MAP2K3: variants seen among roughly 807,000 people sequenced by gnomAD.
The protein encoded by MAP2K3 is dual specificity mitogen-activated protein kinase kinase 3.
MAP2K3 carries 30 observed loss-of-function variants against 46.4 expected under a neutral mutation model. The observed-to-expected ratio is 0.65, with a 90% CI of 0.48 to 0.88. The LOEUF (loss-of-function observed/expected upper bound fraction) is 0.88, where lower values mean the gene tolerates loss of function less well. Among genes scored for constraint, MAP2K3 ranks in the 40% least tolerant of loss-of-function variants. The pLI, the probability that MAP2K3 is intolerant of heterozygous loss-of-function variation, is 0.00. For missense variants in MAP2K3, 380 were observed against 464.5 expected (o/e 0.82, Z 1.67); for synonymous variants, 189 against 176.3 (o/e 1.07, Z -0.57).
chr17:21,304,379 C>T (rs763089122), intron 7 of MAP2K3, 47 bp from the exon 8 acceptor site: 4 of 1,613,980 alleles, frequency 2.5e-6, no homozygotes, highest in African/African-American at 2.7e-5. Context: ...GCACCTGCCT[C>T]CAGTCGTGCT....
chr17:21,295,333 T>A (rs1373107238), intron 1 of MAP2K3, among the ~76,000 whole-genome samples: 1 of 152,424 alleles, frequency 6.6e-6, no homozygotes, highest in South Asian at 2.1e-4. Flanking sequence ...TGAATTCTGG[T>A]CAGTTTCAGT....
At chr17:21,295,795 G>T (rs1976211420) in intron 1 of MAP2K3, 2 of 754,124 alleles carry the variant, frequency 2.7e-6, no homozygotes, top group Non-Finnish European at 3.3e-6. Flanking sequence ...CTTGGTGAAG[G>T]GGGGGCCACA....
At chr17:21,290,741 G>A (rs1975873543) in intron 1 of MAP2K3, among the ~76,000 whole-genome samples, 2 of 152,308 alleles carry the variant, frequency 1.3e-5, no homozygotes, top group African/African-American at 2.4e-5. Context: ...TTTGAGGGCA[G>A]GAGTTCACAA....
rs879110946 is a variant in MAP2K3, at chr17:21,299,008, G to C, written c.165+82G>C. 1.2e-4 allele frequency: 190 copies of C among 1,592,514 alleles called. No homozygotes were observed. The South Asian group carries it at 1.9e-3, about 16-fold the overall frequency. The stretch of plus-strand genomic sequence containing the variant: ...AGCTGACCCTGCAGGGCCACTTTGG[G>C]GGGAGGTGACTGAGGGGTCAGAGAG... On this transcript the variant is annotated intron_variant, in intron 3 of 11. Transcript: ENST00000342679.
intron 5 of MAP2K3, among the ~76,000 whole-genome samples, chr17:21,301,679 T>C (rs1976609406): frequency 1.3e-5 from 2 of 152,310 alleles, no homozygotes; most frequent in Admixed American, 6.5e-5. Context: ...GGGTGCCCCC[T>C]GCGCATCTCC....
At chr17:21,293,601 A>T (rs1440995658) in intron 1 of MAP2K3, among the ~76,000 whole-genome samples, 1 of 152,306 alleles carries the variant, frequency 6.6e-6, no homozygotes, top group Non-Finnish European at 1.5e-5. Context: ...CAGGTGAGGA[A>T]GTCCCTGTAG....
chr17:21,298,839 G>C, intron 2 of MAP2K3, 39 bp from the exon 3 acceptor site: 2 of 1,614,204 alleles, frequency 1.2e-6, no homozygotes, highest in African/African-American at 2.7e-5. Flanking sequence ...GGAAGGGTGT[G>C]GTTCTCTCTG....
chr17:21,312,378 A>C (rs1355273758), intron 10 of MAP2K3, 97 bp downstream of exon 10: 3 of 1,308,766 alleles, frequency 2.3e-6, no homozygotes, highest in Non-Finnish European at 3.0e-6. Flanking sequence ...TTGGCAAATA[A>C]ACCCCCAGAT....
Position 21,284,858 on chromosome 17 carries a change from G to C in MAP2K3, c.-63G>C, listed in dbSNP as rs1975680627. 1 of 1,564,746 alleles carries C rather than the reference G, an allele frequency of 6.4e-7. No homozygotes were observed. The highest frequency in any genetic ancestry group is 8.7e-7 in the Non-Finnish European group (1 of 1,150,764). ...CTGCCCGCAGCCATGAGCGTGCTCG[G>C]CCCCGGTGGAGCCCGCAGTCCTCTA... On this transcript the variant is annotated 5_prime_UTR_variant, in exon 1 of 12. Transcript: ENST00000342679.
chr17:21,301,054 C>T (rs1597817302), intron 5 of MAP2K3, 61 bp downstream of exon 5: 1 of 1,612,460 alleles, frequency 6.2e-7, no homozygotes, highest in Non-Finnish European at 8.5e-7. Context: ...CGCCTGCAAC[C>T]CACTGTCACT....
At chr17:21,295,682 G>C (rs1597807807) in intron 1 of MAP2K3, 1 of 1,289,510 alleles carries the variant, frequency 7.8e-7, no homozygotes, top group East Asian at 5.5e-5. Flanking sequence ...CAGGCCGGTG[G>C]ATGCAGAGGC....
At chr17:21,295,863 G>T in intron 1 of MAP2K3, 1 of 1,287,346 alleles carries the variant, frequency 7.8e-7, no homozygotes. Context: ...GGGCCAGAGG[G>T]ACCAAGAGCA....
chr17:21,291,170 G>T (rs1371050399), intron 1 of MAP2K3, among the ~76,000 whole-genome samples: 1 of 152,302 alleles, frequency 6.6e-6, no homozygotes, highest in Non-Finnish European at 1.5e-5. Context: ...CATGAACCCG[G>T]GAGGCGGAGC....
At chr17:21,311,532 A>G (rs990784494) in intron 9 of MAP2K3, among the ~76,000 whole-genome samples, 1 of 151,966 alleles carries the variant, frequency 6.6e-6, no homozygotes, top group Non-Finnish European at 1.5e-5. Flanking sequence ...CCTGCAGAAG[A>G]TGAGGCTGCA....
At chr17:21,285,128 C>T in intron 1 of MAP2K3, 159 bp downstream of exon 1, 2 of 840,880 alleles carry the variant, frequency 2.4e-6, no homozygotes, top group South Asian at 1.1e-4. Context: ...GGGACCAGCC[C>T]CCGCCTGGGC....
chr17:21,313,844 G>A (rs560690826), intron 11 of MAP2K3: 1 of 573,442 alleles, frequency 1.7e-6, no homozygotes, highest in South Asian at 2.1e-5. Context: ...CTGGAAGGAT[G>A]AATAAGGGTT....
At chr17:21,289,847 C>T (rs892092440) in intron 1 of MAP2K3, among the ~76,000 whole-genome samples, 2 of 152,212 alleles carry the variant, frequency 1.3e-5, no homozygotes. Flanking sequence ...ATGTCCTTGT[C>T]ACCTCCCTGC....
At chr17:21,311,234 C>T (rs7214020) in intron 9 of MAP2K3, among the ~76,000 whole-genome samples, 1,649 of 152,246 alleles carry the variant, frequency 0.011, 27 homozygotes, top group African/African-American at 0.037. Flanking sequence ...TGATGACGGC[C>T]GGCAGTGAGG....
At chr17:21,308,382 A>C (rs1259177759) in intron 9 of MAP2K3, among the ~76,000 whole-genome samples, 1 of 152,312 alleles carries the variant, frequency 6.6e-6, no homozygotes, top group Non-Finnish European at 1.5e-5. Flanking sequence ...TCCTGACCTC[A>C]GGTGATCCAC....
Sources: allele counts gnomAD v4.1 joint callset (sites outside exome capture counted in the v4.1 genomes callset), GRCh38; gene constraint gnomAD v4.1.1; transcripts MANE v1.5; gene names NCBI Gene and HGNC (gene_info 2026-07-23, HGNC 2026-07-21).